Variants in L3MBTL2 observed in about 807,000 individuals in gnomAD.
The protein encoded by L3MBTL2 is L3MBTL histone methyl-lysine binding protein 2.
Under a neutral mutation model 86.4 loss-of-function variants are expected in L3MBTL2, and 49 were observed. The observed-to-expected ratio is 0.57, with a 90% CI of 0.45 to 0.72. The LOEUF (loss-of-function observed/expected upper bound fraction) is 0.72, where lower values mean the gene tolerates loss of function less well. Ranked by LOEUF, L3MBTL2 falls within the 30% of genes least tolerant of loss-of-function variation. The probability of loss-of-function intolerance (pLI) is 0.00; values close to 1 mark genes in which losing one functional copy is unlikely to be tolerated. For missense variants in L3MBTL2, 755 were observed against 923.7 expected (o/e 0.82, Z 2.37); for synonymous variants, 336 against 350.6 (o/e 0.96, Z 0.47).
At chr22:41,211,512 C>T (rs1342552125) in intron 2 of L3MBTL2, among the ~76,000 whole-genome samples, 3 of 145,608 alleles carry the variant, frequency 2.1e-5, no homozygotes, top group African/African-American at 5.1e-5. Context: ...GCCCCAAACT[C>T]GTTAGAAGAG....
rs1241735789 is a variant in L3MBTL2, at chr22:41,225,778, T to TC, written c.1357-10dup. Reference sequence around the variant, plus strand: ...TTCATGATATGATCTGTCTGCCTGCTCCCCCCACCCCCCAGGTTCTCCTGG... The same window carrying TC: ...TTCATGATATGATCTGTCTGCCTGCTCCCCCCCACCCCCCAGGTTCTCCTGG... On this transcript the variant is annotated splice_polypyrimidine_tract_variant and intron_variant, in intron 11 of 16. Transcript: ENST00000216237. This position sits in a 1 kb window ranked among gnomAD's most constrained non-coding sequence, Gnocchi z 4.1. 2 of 1,601,280 alleles carry TC rather than the reference T, an allele frequency of 1.2e-6. No individual in the cohort carries two copies. The highest frequency in any genetic ancestry group is 2.7e-5 in the African/African-American group (2 of 74,524).
intron 2 of L3MBTL2, 72 bp downstream of exon 2, chr22:41,210,005 G>T: frequency 1.3e-6 from 2 of 1,563,044 alleles, no homozygotes; most frequent in South Asian, 2.4e-5. Flanking sequence ...GTGGATATAG[G>T]CTATATGGGC....
intron 2 of L3MBTL2, among the ~76,000 whole-genome samples, chr22:41,211,856 CTTTTT>C (rs35869187): frequency 1.0e-4 from 7 of 67,902 alleles, no homozygotes; most frequent in Non-Finnish European, 1.8e-4. Flanking sequence ...CGCACCCGGC[CTTTTT>C]TTTTTTTTTT....
At position 41,224,376 on chromosome 22, in the gene L3MBTL2, A is replaced by C. The variant is rs1038130366; in HGVS notation, c.1174+125A>C. On this transcript the variant is annotated intron_variant, in intron 9 of 16. Coordinates refer to ENST00000216237, the MANE Select transcript of L3MBTL2 (RefSeq NM_031488.5). This position sits in a 1 kb window ranked among gnomAD's most constrained non-coding sequence, Gnocchi z 4.9. ...TTGGCATGGCCCCCCTGCAGTGATG[A>C]TACTGAGCTCCAGAGAGCTTGAGTA... The C allele has an allele frequency of 1.5e-6, 1 of 675,172 alleles. No individual in the cohort carries two copies. Among genetic ancestry groups the C allele is most frequent in the African/African-American group, 1.8e-5 (1 of 55,582 alleles). The allele number at this position is 675,172 out of a possible 1,614,324, so 41.8% of individuals were successfully genotyped here.
intron 2 of L3MBTL2, among the ~76,000 whole-genome samples, chr22:41,210,802 A>G (rs1163514089): frequency 6.6e-6 from 1 of 152,208 alleles, no homozygotes; most frequent in Non-Finnish European, 1.5e-5. Context: ...TCATTCTTTC[A>G]TATAACTAAT....
intron 15 of L3MBTL2, 71 bp from the exon 16 acceptor site, chr22:41,229,469 T>C: frequency 1.3e-6 from 2 of 1,536,858 alleles, no homozygotes; most frequent in Non-Finnish European, 1.8e-6. Flanking sequence ...GACCACTGGG[T>C]GAGACCTATC....
intron 1 of L3MBTL2, chr22:41,209,411 T>C (rs2030528843): frequency 1.5e-5 from 5 of 327,066 alleles, no homozygotes; most frequent in African/African-American, 4.2e-5. Context: ...CTGGCCCACA[T>C]TGTTATACAG....
intron 13 of L3MBTL2, 130 bp downstream of exon 13, chr22:41,226,874 G>A (rs1310018473): frequency 9.0e-6 from 7 of 778,582 alleles, no homozygotes; most frequent in Non-Finnish European, 1.5e-5. Flanking sequence ...CTTTCAGGGG[G>A]AAGTCCCCAG....
At chr22:41,213,457 CTTTT>C (rs139449) in intron 2 of L3MBTL2, among the ~76,000 whole-genome samples, 4 of 127,204 alleles carry the variant, frequency 3.1e-5, no homozygotes, top group African/African-American at 2.9e-5. Context: ...CACACCTGGC[CTTTT>C]TTTTTTTTTT....
Position 41,216,135 on chromosome 22 carries a change from C to T in L3MBTL2, c.397-4C>T. Reference sequence around the variant, plus strand: ...CTACACATAGCCTCTGTCCTCCTCTCCAGGGAAAACCACCGACCAAAAAAG... The same window carrying T: ...CTACACATAGCCTCTGTCCTCCTCTTCAGGGAAAACCACCGACCAAAAAAG... On this transcript the variant is annotated splice_region_variant and splice_polypyrimidine_tract_variant and intron_variant, in intron 3 of 16. Coordinates refer to ENST00000216237, the MANE Select transcript of L3MBTL2 (RefSeq NM_031488.5). The T allele has an allele frequency of 1.9e-6, 3 of 1,612,020 alleles. No homozygotes were observed. Among genetic ancestry groups the T allele is most frequent in the Non-Finnish European group, 2.5e-6 (3 of 1,179,036 alleles).
chr22:41,208,438 C>T (rs755797855), intron 1 of L3MBTL2: 10 of 305,198 alleles, frequency 3.3e-5, no homozygotes, highest in South Asian at 7.3e-5. Context: ...GCTCTTCACA[C>T]GTTTTCTGTT....
rs973997374 is a variant in L3MBTL2 at position 41,225,449 on chromosome 22, A to T, written c.1357-345A>T. ...ACCTCATCGCCTCCTCCTGAGCAGC[A>T]CCCCCACCCCTCCTTGGCCCTCCTG... On this transcript the variant is annotated intron_variant, in intron 11 of 16. Transcript: ENST00000216237. The surrounding 1 kb of genome is among the most constrained non-coding windows in gnomAD (Gnocchi z 4.1). 3.3e-5 allele frequency among the ~76,000 whole-genome samples: 5 copies of T among 151,682 alleles called. No homozygotes were observed. The highest frequency in any genetic ancestry group is 7.4e-5 in the Non-Finnish European group (5 of 67,908).
At chr22:41,229,825 C>G in intron 16 of L3MBTL2, 169 bp downstream of exon 16, 1 of 1,158,682 alleles carries the variant, frequency 8.6e-7, no homozygotes, top group South Asian at 1.3e-5. Context: ...CAGACACGCC[C>G]CCAACTGTGA....
chr22:41,218,502 G>A (rs762206165), intron 5 of L3MBTL2: 1 of 152,184 alleles, frequency 6.6e-6, no homozygotes, highest in African/African-American at 2.4e-5. Context: ...GACGGAGCAA[G>A]ACTCTAAAAA....
intron 2 of L3MBTL2, among the ~76,000 whole-genome samples, chr22:41,211,204 TTTTTG>T (rs2030751605): frequency 6.6e-6 from 1 of 152,068 alleles, no homozygotes; most frequent in Admixed American, 6.5e-5. Context: ...TCCCAAACTT[TTTTTG>T]TTTTATTTTG....
intron 13 of L3MBTL2, 42 bp downstream of exon 13, chr22:41,226,786 A>C: frequency 7.1e-7 from 1 of 1,411,372 alleles, no homozygotes; most frequent in South Asian, 1.2e-5. Flanking sequence ...CGGTGGCCTC[A>C]GGACAGGCCC....
At chr22:41,210,150 T>A in intron 2 of L3MBTL2, 1 of 467,864 alleles carries the variant, frequency 2.1e-6, no homozygotes, top group South Asian at 4.2e-5. Flanking sequence ...TTTCTTTTTT[T>A]TTTTTTTTTT....
intron 16 of L3MBTL2, 81 bp downstream of exon 16, chr22:41,229,737 A>G (rs1192095692): frequency 1.1e-5 from 18 of 1,609,410 alleles, no homozygotes; most frequent in Non-Finnish European, 1.4e-5. Flanking sequence ...CCACCTGGGC[A>G]CAGAAGAGTA....
intron 5 of L3MBTL2, 181 bp downstream of exon 5, chr22:41,217,383 C>T: frequency 1.7e-6 from 1 of 586,848 alleles, no homozygotes; most frequent in Non-Finnish European, 3.0e-6. Context: ...CCTACAAACA[C>T]TTCTATCACC....
Sources: allele counts gnomAD v4.1 joint callset (sites outside exome capture counted in the v4.1 genomes callset), GRCh38; gene constraint gnomAD v4.1.1; non-coding constraint Gnocchi (gnomAD v3.1); transcripts MANE v1.5; gene names NCBI Gene and HGNC (gene_info 2026-07-23, HGNC 2026-07-21).